Variants in MDN1 observed in about 807,000 individuals in gnomAD.
MDN1 encodes midasin AAA ATPase 1.
A neutral mutation model predicts 669.2 loss-of-function variants in MDN1; 266 were observed. That is an observed-to-expected ratio of 0.40 (90% CI 0.36 to 0.44). The LOEUF (loss-of-function observed/expected upper bound fraction) is 0.44, where lower values mean the gene tolerates loss of function less well. Among genes scored for constraint, MDN1 ranks in the 20% least tolerant of loss-of-function variants. The pLI, the probability that MDN1 is intolerant of heterozygous loss-of-function variation, is 1.00. For synonymous variants in MDN1, 2,385 were observed against 2,457.1 expected (o/e 0.97, Z 0.87); for missense variants, 5,940 against 6,754.0 (o/e 0.88, Z 4.22).
chr6:89,652,345 G>C (rs1258850658), intron 94 of MDN1, 64 bp from the exon 95 acceptor site: 1 of 1,230,270 alleles, frequency 8.1e-7, no homozygotes, highest in Admixed American at 1.8e-5. Context: ...AGTATCACTG[G>C]GTGTCTTCCG....
chr6:89,743,443 T>C, intron 30 of MDN1, 133 bp downstream of exon 30: 1 of 1,350,320 alleles, frequency 7.4e-7, no homozygotes, highest in Non-Finnish European at 1.0e-6. Flanking sequence ...TGAAGGCCCT[T>C]GTAGACCAGA....
chr6:89,705,154 G>C (rs1176121645), intron 53 of MDN1, among the ~76,000 whole-genome samples: 1 of 152,082 alleles, frequency 6.6e-6, no homozygotes, highest in Non-Finnish European at 1.5e-5. Flanking sequence ...ATGTACAACA[G>C]TTCCACATTT....
intron 34 of MDN1, 76 bp downstream of exon 34, chr6:89,732,481 A>G: frequency 1.6e-6 from 2 of 1,251,170 alleles, no homozygotes; most frequent in Non-Finnish European, 2.3e-6. Flanking sequence ...TAGCTGGGTC[A>G]GAGGCCTGGG....
chr6:89,738,630 A>G (rs372495894), intron 32 of MDN1, among the ~76,000 whole-genome samples, 175 bp from the exon 33 acceptor site: 8 of 152,328 alleles, frequency 5.3e-5, no homozygotes, highest in Admixed American at 3.3e-4. Context: ...GACTCCTTAT[A>G]TTCCATGACA....
chr6:89,700,670 T>G lies in MDN1; in HGVS notation c.8614A>C (p.Asn2872His), dbSNP rs764982088. ...CCTAGGCTGACATCTTCCAAAATAT[T>G]TGCTCTGAGGATCAGTCCCCAGGCT... ...LQAWGLILRA[N>H]ILEDVSLDEL... The change falls in exon 56 of 102, where the codon AAT (asparagine) becomes CAT (histidine). Residue 2872 changes from asparagine to histidine, a missense_variant. By Grantham distance (68) the Asn-to-His change is moderately conservative (BLOSUM62 1). Coordinates refer to ENST00000369393, the MANE Select transcript of MDN1 (RefSeq NM_014611.3). The G allele has an allele frequency of 4.6e-5, 74 of 1,614,100 alleles. No homozygotes were observed. The highest frequency in any genetic ancestry group is 5.8e-5 in the Non-Finnish European group (69 of 1,180,038).
intron 60 of MDN1, 35 bp downstream of exon 60, chr6:89,696,325 G>T: frequency 6.3e-7 from 1 of 1,599,260 alleles, no homozygotes; most frequent in South Asian, 1.1e-5. Context: ...GAAAAGACAG[G>T]AACTTTACAG....
chr6:89,740,025 C>T (rs1047212617), intron 32 of MDN1, among the ~76,000 whole-genome samples: 4 of 152,234 alleles, frequency 2.6e-5, no homozygotes, highest in African/African-American at 9.6e-5. Context: ...CAGGCACATA[C>T]ACAAAGTGAG....
intron 52 of MDN1, 31 bp downstream of exon 52, chr6:89,707,330 A>C (rs771858196): frequency 2.7e-6 from 4 of 1,468,628 alleles, no homozygotes; most frequent in Non-Finnish European, 3.8e-6. Flanking sequence ...CAGATGCTTA[A>C]TTAGAGAACA....
At position 89,723,118 on chromosome 6, in the gene MDN1, T is replaced by G; in HGVS notation, c.5804A>C (p.Lys1935Thr). ...GGGTCCTCCTTTTTGCCCCCATTTCTTCTCAACAGTCACTTCATGATCAAT... is the reference window on the plus strand; with the variant it reads ...GGGTCCTCCTTTTTGCCCCCATTTCGTCTCAACAGTCACTTCATGATCAAT... The part of the protein sequence containing the change: ...NQIDHEVTVE[K>T]KWGQKGGPWE... The change falls in exon 40 of 102, where the codon AAG (lysine) becomes ACG (threonine). Residue 1935 changes from lysine (K) to threonine (T), a missense_variant. Lys to Thr is a moderately conservative substitution (Grantham distance 78). Coordinates refer to ENST00000369393, the MANE Select transcript of MDN1 (RefSeq NM_014611.3). 6.2e-7 allele frequency: 1 copy of G among 1,614,122 alleles called. No individual in the cohort carries two copies. Among genetic ancestry groups the G allele is most frequent in the Non-Finnish European group, 8.5e-7 (1 of 1,179,964 alleles).
intron 27 of MDN1, among the ~76,000 whole-genome samples, chr6:89,746,260 T>C (rs948505202): frequency 3.9e-5 from 6 of 152,156 alleles, no homozygotes; most frequent in African/African-American, 1.2e-4. Context: ...ATACTTTACA[T>C]GGGAAAATGC....
chr6:89,720,551 A>T (rs1329264591), intron 40 of MDN1, among the ~76,000 whole-genome samples: 1 of 152,154 alleles, frequency 6.6e-6, no homozygotes, highest in East Asian at 1.9e-4. Flanking sequence ...GAAAACACCT[A>T]TAAGGTCCAT....
intron 94 of MDN1, 28 bp downstream of exon 94, chr6:89,652,964 T>A (rs758608383): frequency 1.2e-6 from 2 of 1,603,008 alleles, no homozygotes; most frequent in Non-Finnish European, 1.7e-6. Context: ...AACACTATAT[T>A]AATGCAGTAA....
intron 2 of MDN1, among the ~76,000 whole-genome samples, chr6:89,800,861 C>G (rs562522102): frequency 2.0e-5 from 3 of 152,228 alleles, no homozygotes; most frequent in Admixed American, 6.5e-5. Flanking sequence ...TAGACAGTCT[C>G]AGAGTTGAAC....
At chr6:89,670,593 T>A (rs936756653) in intron 83 of MDN1, among the ~76,000 whole-genome samples, 5 of 152,152 alleles carry the variant, frequency 3.3e-5, no homozygotes, top group Admixed American at 6.5e-5. Context: ...TCAAGAGTTA[T>A]CTGAAGATTT....
intron 1 of MDN1, among the ~76,000 whole-genome samples, chr6:89,812,343 G>C (rs1260819884): frequency 2.6e-5 from 4 of 151,938 alleles, no homozygotes; most frequent in Admixed American, 1.3e-4. Flanking sequence ...CCAGCACTTT[G>C]GGAGGCCGAG....
Position 89,785,093 on chromosome 6 carries a change from C to T in MDN1, c.1368G>A (p.Pro456=), listed in dbSNP as rs763847287. ...CTAGCAAAGTAGCATGACTGTTTAG[C>T]GGTCGATACCAATTTCCTCCACAGC... ...LLSCGGNWYR[P]LNSHATLLDK... The change falls in exon 9 of 102, where the codon CCG becomes CCA. Residue 456 remains proline, a synonymous_variant. Transcript: ENST00000369393. The T allele has an allele frequency of 2.5e-5, 40 of 1,613,836 alleles. No homozygotes were observed. In the South Asian group the frequency reaches 3.2e-4, roughly 13 times the overall value.
rs556567433 is a variant in MDN1, at chr6:89,733,091, C to T, written c.4724-316G>A. Among the ~76,000 whole-genome samples, 340 of 152,192 alleles carry T rather than the reference C, an allele frequency of 2.2e-3. 1 individual carries two copies. Among genetic ancestry groups the T allele is most frequent in the Non-Finnish European group, 3.8e-3 (257 of 67,996 alleles). On this transcript the variant is annotated intron_variant, in intron 33 of 101. Coordinates refer to ENST00000369393, the MANE Select transcript of MDN1 (RefSeq NM_014611.3). ...ATTTGAGTTCGGACACAGTTTTGAA[C>T]TTCTATTATAATTATTTTAGAAAAT...
At position 89,673,459 on chromosome 6, in the gene MDN1, T is replaced by C; in HGVS notation, c.13251A>G (p.Lys4417=). ...GCGCAGAAGAGCAAACTTCAAAATC[T>C]TTCCTGCAACAGAAATGCCACAATG... ...QSCETLFHSW[K]DFEVCSSALS... is the part of the protein sequence containing the mutation. Residue 4417 remains lysine (K), a synonymous_variant, in exon 80 of 102, where the codon AAA becomes AAG. Transcript: ENST00000369393. 6.2e-7 allele frequency: 1 copy of C among 1,614,028 alleles called. No individual in the cohort carries two copies. Among genetic ancestry groups the C allele is most frequent in the South Asian group, 1.1e-5 (1 of 91,062 alleles).
At chr6:89,671,372 C>T (rs1183212402) in intron 82 of MDN1, among the ~76,000 whole-genome samples, 3 of 152,196 alleles carry the variant, frequency 2.0e-5, no homozygotes, top group Non-Finnish European at 4.4e-5. Flanking sequence ...CAGTGGCTCA[C>T]GCCTTTAATC....
Sources: gnomAD v4.1 joint callset for allele counts (sites outside exome capture counted in the v4.1 genomes callset) on GRCh38, gnomAD v4.1.1 for gene constraint, MANE v1.5 for transcripts, NCBI Gene and HGNC (gene_info 2026-07-23, HGNC 2026-07-21) for gene names.